ZNF385D: variants seen among roughly 807,000 people sequenced by gnomAD.
ZNF385D encodes the protein zinc finger protein 385D, also known as zinc finger protein 659.
A neutral mutation model predicts 35.8 loss-of-function variants in ZNF385D; 15 were observed. That is an observed-to-expected ratio of 0.42 (90% CI 0.28 to 0.64). The LOEUF (loss-of-function observed/expected upper bound fraction) is 0.64. ZNF385D is among the 30% of genes least tolerant of loss of function. The pLI is 0.23. For synonymous variants in ZNF385D, 212 were observed against 186.8 expected (o/e 1.13, Z -1.10); for missense variants, 474 against 494.6 (o/e 0.96, Z 0.39).
At chr3:21,685,940 G>A (rs1427570775) in intron 1 of ZNF385D, among the ~76,000 whole-genome samples, 1 of 152,140 alleles carries the variant, frequency 6.6e-6, no homozygotes, top group African/African-American at 2.4e-5. Context: ...GGGAGAATGG[G>A]TGAACCGGGA....
At chr3:22,074,433 G>C (rs1255228292) in intron 3 of ZNF385D, among the ~76,000 whole-genome samples, 2 of 151,934 alleles carry the variant, frequency 1.3e-5, no homozygotes, top group African/African-American at 4.8e-5. Context: ...AAAACATTGA[G>C]CCCAATGCCT....
At chr3:22,268,883 G>T (rs1387856823) in intron 2 of ZNF385D, among the ~76,000 whole-genome samples, 1 of 151,868 alleles carries the variant, frequency 6.6e-6, no homozygotes, top group Non-Finnish European at 1.5e-5. Flanking sequence ...GGAAAATAGT[G>T]GGGGTGGGGG....
chr3:21,721,980 G>C (rs1386653194), intron 1 of ZNF385D, among the ~76,000 whole-genome samples: 2 of 151,640 alleles, frequency 1.3e-5, no homozygotes, highest in South Asian at 2.1e-4. Context: ...TGTGCCTATA[G>C]TCCCAGCTAC....
At chr3:21,896,034 AG>A (rs1191549115) in intron 3 of ZNF385D, among the ~76,000 whole-genome samples, 1 of 152,298 alleles carries the variant, frequency 6.6e-6, no homozygotes, top group African/African-American at 2.4e-5. Context: ...GCCACATTAA[AG>A]TAAAATTTTT....
intron 3 of ZNF385D, among the ~76,000 whole-genome samples, chr3:21,929,799 A>G (rs536611114): frequency 6.6e-6 from 1 of 152,202 alleles, no homozygotes; most frequent in African/African-American, 2.4e-5. Context: ...GTAAGAAATT[A>G]AAGATCTAAA....
At chr3:21,533,433 C>G (rs2061969453) in intron 3 of ZNF385D, among the ~76,000 whole-genome samples, 1 of 152,106 alleles carries the variant, frequency 6.6e-6, no homozygotes, top group African/African-American at 2.4e-5. Context: ...TTGGTGCACT[C>G]AGTATTTGAA....
At chr3:22,142,217 T>C (rs1704550734) in intron 3 of ZNF385D, among the ~76,000 whole-genome samples, 1 of 152,336 alleles carries the variant, frequency 6.6e-6, no homozygotes, top group African/African-American at 2.4e-5. Context: ...TGTTCTTTAC[T>C]AGTGTTTTTA....
intron 2 of ZNF385D, among the ~76,000 whole-genome samples, chr3:22,344,830 C>T (rs555917485): frequency 3.3e-5 from 5 of 152,124 alleles, no homozygotes; most frequent in Non-Finnish European, 7.3e-5. Context: ...TCCCTTTGTT[C>T]CCTTTTGTAG....
At chr3:21,743,516 G>A (rs1361934537) in intron 1 of ZNF385D, among the ~76,000 whole-genome samples, 1 of 152,236 alleles carries the variant, frequency 6.6e-6, no homozygotes, top group East Asian at 1.9e-4. Context: ...GGCAGTCCAA[G>A]TTCAAGGCGT....
chr3:21,632,918 TTTTA>T (rs1272126113), intron 2 of ZNF385D, among the ~76,000 whole-genome samples: 1 of 152,144 alleles, frequency 6.6e-6, no homozygotes, highest in African/African-American at 2.4e-5. Flanking sequence ...ATTCTATCTA[TTTTA>T]TTTATTTACT....
chr3:21,673,232 G>T (rs1299604496), intron 1 of ZNF385D, among the ~76,000 whole-genome samples: 2 of 152,010 alleles, frequency 1.3e-5, no homozygotes, highest in African/African-American at 4.8e-5. Flanking sequence ...TTTTAAATTT[G>T]AATGAATTAA....
chr3:21,597,956 A>G (rs1395865061), intron 2 of ZNF385D, among the ~76,000 whole-genome samples: 2 of 152,172 alleles, frequency 1.3e-5, no homozygotes, highest in African/African-American at 4.8e-5. Flanking sequence ...TAGAAAAGCA[A>G]AAGATGATCT....
chr3:22,224,856 G>A (rs1453618085), intron 2 of ZNF385D, among the ~76,000 whole-genome samples: 1 of 152,088 alleles, frequency 6.6e-6, no homozygotes, highest in Non-Finnish European at 1.5e-5. Context: ...GCCAGAGTTG[G>A]CACCTCTATT....
At chr3:21,855,465 C>T (rs769644638) in intron 3 of ZNF385D, among the ~76,000 whole-genome samples, 6 of 151,988 alleles carry the variant, frequency 3.9e-5, no homozygotes, top group Admixed American at 6.6e-5. Flanking sequence ...AGATCTTCCT[C>T]GGCATCTCTA....
intron 3 of ZNF385D, among the ~76,000 whole-genome samples, chr3:21,944,563 A>G (rs188485764): frequency 1.0e-3 from 158 of 152,338 alleles, no homozygotes; most frequent in Admixed American, 0.01. Context: ...GCCTGAAATT[A>G]CGTCAACCCT....
chr3:22,325,414 A>G (rs1474867046), intron 2 of ZNF385D, among the ~76,000 whole-genome samples: 2 of 152,188 alleles, frequency 1.3e-5, no homozygotes, highest in African/African-American at 4.8e-5. Context: ...CTAAATAGAC[A>G]AATTCTGGAA....
chr3:21,991,068 A>G (rs1695120931), intron 3 of ZNF385D, among the ~76,000 whole-genome samples: 1 of 152,212 alleles, frequency 6.6e-6, no homozygotes, highest in East Asian at 1.9e-4. Flanking sequence ...AATTCCTTGT[A>G]CAAAAATATT....
intron 3 of ZNF385D, among the ~76,000 whole-genome samples, chr3:22,148,994 G>T (rs1275717634): frequency 6.6e-6 from 1 of 152,070 alleles, no homozygotes; most frequent in Non-Finnish European, 1.5e-5. Context: ...TTTTAGAGCT[G>T]CAAAAACCAG....
At position 22,011,304 on chromosome 3, in the gene ZNF385D, T is replaced by G. The variant is rs113898898; in HGVS notation, c.325+157513A>C. The stretch of plus-strand genomic sequence containing the variant: ...AAAATATTGAAGAGCAGTATTCTTA[T>G]TTTAGAAAAAAAAGATCATGCTTAT... On this transcript the variant is annotated intron_variant, in intron 3 of 5. Transcript: ENST00000494108. Among the ~76,000 whole-genome samples the G allele has an allele frequency of 3.9e-5, 6 of 152,244 alleles. 1 individual carries two copies. The highest frequency in any genetic ancestry group is 1.4e-4 in the African/African-American group (6 of 41,580).
Sources: gnomAD v4.1 joint callset for allele counts (sites outside exome capture counted in the v4.1 genomes callset) on GRCh38, gnomAD v4.1.1 for gene constraint, MANE v1.5 for transcripts, NCBI Gene and HGNC (gene_info 2026-07-23, HGNC 2026-07-21) for gene names.